The following MLIP variants were observed in gnomAD, a reference collection of about 807,000 sequenced individuals.
MLIP encodes muscular LMNA interacting protein.
Under a neutral mutation model 84.8 loss-of-function variants are expected in MLIP, and 79 were observed. That is an observed-to-expected ratio of 0.93 (90% CI 0.78 to 1.12). The LOEUF (loss-of-function observed/expected upper bound fraction) is 1.12, where lower values mean the gene tolerates loss of function less well. MLIP is among the 50% of genes most tolerant of loss of function. The pLI, the probability that MLIP is intolerant of heterozygous loss-of-function variation, is 0.00. For synonymous variants in MLIP, 504 were observed against 463.0 expected, an observed-to-expected ratio of 1.09 and a Z score of -1.14; for missense variants, 1,257 against 1,160.6, an observed-to-expected ratio of 1.08 and a Z score of -1.21.
chr6:54,122,585 A>C (rs1375704092), intron 2 of MLIP, among the ~76,000 whole-genome samples: 1 of 152,246 alleles, frequency 6.6e-6, no homozygotes. Context: ...AAAACATCTT[A>C]TCTAGAAAAT....
intron 1 of MLIP, among the ~76,000 whole-genome samples, chr6:54,096,797 A>T (rs1244301262): frequency 6.6e-6 from 1 of 152,214 alleles, no homozygotes; most frequent in Admixed American, 6.5e-5. Context: ...CCAGTTATTA[A>T]TGATTTTGCA....
At chr6:54,054,478 A>G (rs1229641067) in intron 1 of MLIP, among the ~76,000 whole-genome samples, 2 of 151,476 alleles carry the variant, frequency 1.3e-5, no homozygotes, top group African/African-American at 2.4e-5. Context: ...TCAGTACTGT[A>G]TCGGATATAG....
At chr6:54,206,980 ATTTTGGGGT>A (rs1247397866) in intron 11 of MLIP, among the ~76,000 whole-genome samples, 1 of 152,224 alleles carries the variant, frequency 6.6e-6, no homozygotes, top group Non-Finnish European at 1.5e-5. Flanking sequence ...ATTGAGAAAT[ATTTTGGGGT>A]AAATGTTTAA....
intron 11 of MLIP, among the ~76,000 whole-genome samples, chr6:54,213,402 T>A (rs896854322): frequency 6.6e-6 from 1 of 152,134 alleles, no homozygotes; most frequent in African/African-American, 2.4e-5. Flanking sequence ...TGTAATGCTA[T>A]AATAAAGACA....
chr6:54,258,140 G>A (rs1783138747), intron 13 of MLIP, among the ~76,000 whole-genome samples: 3 of 151,980 alleles, frequency 2.0e-5, no homozygotes, highest in African/African-American at 7.2e-5. Flanking sequence ...AAGGGACTGG[G>A]TGAGCTCACA....
At chr6:54,230,073 C>T (rs1780876963) in intron 11 of MLIP, among the ~76,000 whole-genome samples, 1 of 152,152 alleles carries the variant, frequency 6.6e-6, no homozygotes, top group African/African-American at 2.4e-5. Flanking sequence ...TCGTAACCTC[C>T]TTTCTTTGCA....
chr6:54,109,895 TTTTC>T (rs954905906), upstream of MLIP, among the ~76,000 whole-genome samples: 11 of 150,360 alleles, frequency 7.3e-5, no homozygotes, highest in African/African-American at 2.7e-4. Flanking sequence ...TAGGGCTTTC[TTTTC>T]TTTCTTTCTT....
rs1023821526 is a variant in MLIP, at chr6:54,066,880, CA to C, written c.63+47797del. On this transcript the variant is annotated intron_variant, in intron 1 of 12. Transcript: ENST00000274897. ...ACTAACTAGGAAGTGATGTTTTATCCAAAAAAAATGGGAGTCAATTAAAAAA... is the reference window on the plus strand; with the variant it reads ...ACTAACTAGGAAGTGATGTTTTATCCAAAAAAATGGGAGTCAATTAAAAAA... Among the ~76,000 whole-genome samples the C allele has an allele frequency of 8.3e-5, 8 of 96,338 alleles. 1 individual carries two copies. Among genetic ancestry groups the C allele is most frequent in the South Asian group, 3.7e-4 (1 of 2,736 alleles). 63.2% of individuals were successfully genotyped at this position (96,338 alleles called of 152,430 possible). A position where few individuals can be genotyped will look rare whatever the true frequency, so the allele number is the denominator to read the frequency against.
intron 4 of MLIP, among the ~76,000 whole-genome samples, chr6:54,148,542 A>T (rs2150520705): frequency 6.6e-6 from 1 of 152,272 alleles, no homozygotes; most frequent in South Asian, 2.1e-4. Flanking sequence ...ATTATTGACT[A>T]CTTTGCTGCT....
intron 11 of MLIP, among the ~76,000 whole-genome samples, chr6:54,229,403 T>C (rs1476556282): frequency 6.6e-6 from 1 of 152,212 alleles, no homozygotes; most frequent in Non-Finnish European, 1.5e-5. Context: ...ATGTGCAGGA[T>C]GTCTAGGTTT....
At chr6:54,168,851 GTCT>G in intron 8 of MLIP, among the ~76,000 whole-genome samples, 1 of 129,782 alleles carries the variant, frequency 7.7e-6, no homozygotes, top group African/African-American at 3.0e-5. Context: ...TAGGGTTGAG[GTCT>G]TTTTTTTTTT....
At chr6:54,072,066 A>G (rs1766518627) in intron 1 of MLIP, among the ~76,000 whole-genome samples, 1 of 152,176 alleles carries the variant, frequency 6.6e-6, no homozygotes, top group Non-Finnish European at 1.5e-5. Context: ...TTTAGTGGCG[A>G]AAAGGTCTTG....
intron 12 of MLIP, among the ~76,000 whole-genome samples, chr6:54,248,947 A>T (rs2150861487): frequency 6.6e-6 from 1 of 152,276 alleles, no homozygotes; most frequent in African/African-American, 2.4e-5. Context: ...AGTACACAAA[A>T]GAATGTAGTG....
chr6:54,040,885 A>T lies in MLIP; in HGVS notation c.63+21794A>T, dbSNP rs77505346. On this transcript the variant is annotated intron_variant, in intron 1 of 12. Coordinates refer to the MLIP transcript ENST00000274897. Reference sequence around the variant, plus strand: ...AGAACAGGTACACATGGACATAAAGACAGGAATAATAAGCAGTGGGGACTA... The same window carrying T: ...AGAACAGGTACACATGGACATAAAGTCAGGAATAATAAGCAGTGGGGACTA... 2.2e-3 allele frequency among the ~76,000 whole-genome samples: 333 copies of T among 152,190 alleles called. 1 individual carries two copies. The highest frequency in any genetic ancestry group is 6.8e-3 in the Middle Eastern group (2 of 294).
intron 1 of MLIP, among the ~76,000 whole-genome samples, chr6:54,086,410 T>G (rs1222621777): frequency 6.6e-6 from 1 of 152,212 alleles, no homozygotes; most frequent in Non-Finnish European, 1.5e-5. Context: ...TTTTTAGTAT[T>G]ACTTTGTGCT....
intron 11 of MLIP, among the ~76,000 whole-genome samples, chr6:54,220,937 A>G (rs1214181237): frequency 6.6e-6 from 1 of 152,092 alleles, no homozygotes; most frequent in Non-Finnish European, 1.5e-5. Flanking sequence ...ACACACACAC[A>G]CACGTAGAGG....
intron 1 of MLIP, among the ~76,000 whole-genome samples, chr6:54,070,865 T>A (rs1277756042): frequency 6.6e-6 from 1 of 152,216 alleles, no homozygotes; most frequent in Admixed American, 6.5e-5. Context: ...CTATGATTTT[T>A]ATAGGTATCA....
At chr6:54,185,992 A>G (rs1169299193) in intron 9 of MLIP, among the ~76,000 whole-genome samples, 2 of 152,192 alleles carry the variant, frequency 1.3e-5, no homozygotes, top group Non-Finnish European at 2.9e-5. Context: ...CCCTACTGCC[A>G]TCAAGCAACC....
chr6:54,049,368 C>G (rs1253358483), intron 1 of MLIP, among the ~76,000 whole-genome samples: 2 of 152,152 alleles, frequency 1.3e-5, no homozygotes, highest in Admixed American at 1.3e-4. Context: ...CTTGCTTGCT[C>G]ACACTTCTGC....
Sources: allele counts gnomAD v4.1 joint callset (sites outside exome capture counted in the v4.1 genomes callset), GRCh38; gene constraint gnomAD v4.1.1; transcripts MANE v1.5; gene names NCBI Gene and HGNC (gene_info 2026-07-23, HGNC 2026-07-21).